Variants in KRI1 observed in about 807,000 individuals in gnomAD.
The protein encoded by KRI1 is protein KRI1 homolog.
KRI1 carries 83 observed loss-of-function variants against 97.0 expected under a neutral mutation model. The observed-to-expected ratio is 0.86, with a 90% confidence interval of 0.72 to 1.03. The LOEUF is 1.03. Among genes scored for constraint, KRI1 ranks in the 50% least tolerant of loss-of-function variants. The pLI is 0.00. For synonymous variants in KRI1, 371 were observed against 363.5 expected, an observed-to-expected ratio of 1.02 and a Z score of -0.23; for missense variants, 916 against 928.4, an observed-to-expected ratio of 0.99 and a Z score of 0.17.
At chr19:10,554,958 T>G (rs1916450753) in intron 18 of KRI1, 129 bp downstream of exon 18, 2 of 695,048 alleles carry the variant, frequency 2.9e-6, no homozygotes, top group Admixed American at 2.7e-5. Flanking sequence ...CATATAGGAT[T>G]CGAACCCAGG....
chr19:10,561,784 C>A lies in KRI1; in HGVS notation c.438+7G>T. ...CAGCCCCCCGACCCAGCCTTCACCC[C>A]ACCCACCTGGAGTCTGTGATTGGAA... On this transcript the variant is annotated splice_region_variant and intron_variant, in intron 5 of 18. Transcript: ENST00000312962. 2.5e-6 allele frequency: 4 copies of A among 1,614,062 alleles called. No individual in the cohort carries two copies. The highest frequency in any genetic ancestry group is 3.4e-6 in the Non-Finnish European group (4 of 1,179,948).
At chr19:10,561,587 G>T in intron 6 of KRI1, 80 bp downstream of exon 6, 1 of 1,331,042 alleles carries the variant, frequency 7.5e-7, no homozygotes. Flanking sequence ...AAGTGACAGA[G>T]CTCAATTTGA....
intron 18 of KRI1, 148 bp from the exon 19 acceptor site, chr19:10,554,429 G>C (rs187892549): frequency 2.9e-6 from 2 of 679,548 alleles, no homozygotes; most frequent in Admixed American, 5.8e-5. Flanking sequence ...TTCAGACCTG[G>C]GTTTCAGGCC....
intron 16 of KRI1, 50 bp from the exon 17 acceptor site, chr19:10,555,399 G>T (rs753511855): frequency 6.3e-7 from 1 of 1,597,738 alleles, no homozygotes; most frequent in East Asian, 2.2e-5. Flanking sequence ...CCCAGGCGGG[G>T]CCTTCCCTGA....
At chr19:10,559,575 G>A in intron 11 of KRI1, 38 bp downstream of exon 11, 1 of 1,613,464 alleles carries the variant, frequency 6.2e-7, no homozygotes, top group Non-Finnish European at 8.5e-7. Flanking sequence ...TTTCCTCCAG[G>A]GCTGGGGGGT....
chr19:10,553,900 A>G lies in KRI1; in HGVS notation c.*51T>C, dbSNP rs1211762527. ...GTACTTGTGGGTGCGAGACCTGTCC[A>G]GGGCTTGATTTGAGGAGAGGAGCCT... On this transcript the variant is annotated 3_prime_UTR_variant, in exon 19 of 19. Coordinates refer to ENST00000312962, the MANE Select transcript of KRI1 (RefSeq NM_023008.5). The G allele has an allele frequency of 2.8e-6, 4 of 1,433,572 alleles. No homozygotes were observed. The highest frequency in any genetic ancestry group is 1.4e-5 in the South Asian group (1 of 73,310). The allele number at this position is 1,433,572 out of a possible 1,614,324, so 88.8% of individuals were successfully genotyped here.
At position 10,554,415 on chromosome 19, in the gene KRI1, G is replaced by A; in HGVS notation, c.1782-134C>T. 2 of 741,466 alleles carry A rather than the reference G, an allele frequency of 2.7e-6. 1 individual carries two copies. Among genetic ancestry groups the A allele is most frequent in the South Asian group, 3.6e-5 (2 of 55,932 alleles). 45.9% of individuals were successfully genotyped at this position (741,466 alleles called of 1,614,324 possible). A position where few individuals can be genotyped will look rare whatever the true frequency, so the allele number is the denominator to read the frequency against. On this transcript the variant is annotated intron_variant, in intron 18 of 18. Coordinates refer to ENST00000312962, the MANE Select transcript of KRI1 (RefSeq NM_023008.5). ...CCGCACAGCGACCGAGGGCCTGCCT[G>A]GGATTCAGACCTGGGTTTCAGGCCA...
chr19:10,560,212 AAT>A, intron 9 of KRI1, 98 bp downstream of exon 9: 1 of 1,454,076 alleles, frequency 6.9e-7, no homozygotes, highest in African/African-American at 1.4e-5. Flanking sequence ...CTGTGAAAAA[AAT>A]ACACACATGG....
intron 13 of KRI1, 22 bp downstream of exon 13, chr19:10,558,142 C>A: frequency 6.2e-7 from 1 of 1,613,948 alleles, no homozygotes; most frequent in Non-Finnish European, 8.5e-7. Context: ...AATCCCCAGC[C>A]CAGTGCCCCA....
rs767542716 is a variant in KRI1, at chr19:10,565,707, G to A, written c.168+10C>T. On this transcript the variant is annotated intron_variant, in intron 2 of 18. Coordinates refer to ENST00000312962, the MANE Select transcript of KRI1 (RefSeq NM_023008.5). Reference sequence around the variant, plus strand: ...CCTCCGCACGTCCAGGACGGGGCGGGGACGCGCACCACGCGCTCGTCGCTT... The same window carrying A: ...CCTCCGCACGTCCAGGACGGGGCGGAGACGCGCACCACGCGCTCGTCGCTT... 7.0e-6 allele frequency: 11 copies of A among 1,563,588 alleles called. No homozygotes were observed. The highest frequency in any genetic ancestry group is 7.0e-5 in the South Asian group (6 of 85,780).
chr19:10,553,092 C>A lies in KRI1; in HGVS notation c.*859G>T. The A allele has an allele frequency of 6.4e-7, 1 of 1,569,082 alleles. No individual in the cohort carries two copies. The highest frequency in any genetic ancestry group is 8.6e-7 in the Non-Finnish European group (1 of 1,158,724). ...AAGGGAGGGGATGAGGGGAAAGATACAACACTATTTATTTTTTTATTTATG... is the reference window on the plus strand; with the variant it reads ...AAGGGAGGGGATGAGGGGAAAGATAAAACACTATTTATTTTTTTATTTATG... On this transcript the variant is annotated 3_prime_UTR_variant, in exon 19 of 19. Transcript: ENST00000312962.
rs372896560 is a variant in KRI1, at chr19:10,557,887, G to C, written c.1368C>G (p.Ala456=). 1 of 1,613,384 alleles carries C rather than the reference G, an allele frequency of 6.2e-7. No individual in the cohort carries two copies. The highest frequency in any genetic ancestry group is 1.7e-5 in the Admixed American group (1 of 59,988). The part of the protein sequence containing the change: ...HCEDPNFNMD[A]DYDPSQPRKK... ...TCCTCGGCTGGCTGGGGTCGTAGTC[G>C]GCGTCCATCTGCCAGGACGCACAGG... The change falls in exon 15 of 19, where the codon GCC becomes GCG. Residue 456 remains alanine (A), a synonymous_variant. Coordinates refer to ENST00000312962, the MANE Select transcript of KRI1 (RefSeq NM_023008.5).
At chr19:10,560,671 TC>T (rs1252567697) in intron 8 of KRI1, among the ~76,000 whole-genome samples, 3 of 152,148 alleles carry the variant, frequency 2.0e-5, no homozygotes, top group Non-Finnish European at 4.4e-5. Flanking sequence ...GCTCACAAGA[TC>T]CTCCCACCTT....
intron 16 of KRI1, 112 bp from the exon 17 acceptor site, chr19:10,555,461 G>T (rs1270324869): frequency 1.7e-6 from 2 of 1,186,162 alleles, no homozygotes. Context: ...ACCCAGCAGG[G>T]TTGCCATGAT....
chr19:10,559,987 C>T (rs1361016887), intron 9 of KRI1, 51 bp from the exon 10 acceptor site: 2 of 1,592,610 alleles, frequency 1.3e-6, no homozygotes, highest in Non-Finnish European at 1.7e-6. Context: ...TGAGGTCGAG[C>T]CCCCCTTTCC....
In KRI1 at chr19:10,557,619, T is replaced by C; in HGVS notation, c.1550A>G (p.Asp517Gly). Reference protein sequence around the residue: ...YYRLDYEDIIDDLPCRFKYRT... With the variant: ...YYRLDYEDIIGDLPCRFKYRT... ...GTACTTGAAGCGACAGGGCAGGTCGTCGATGATGTCCTCGTAGTCCAGCCG... is the reference window on the plus strand; with the variant it reads ...GTACTTGAAGCGACAGGGCAGGTCGCCGATGATGTCCTCGTAGTCCAGCCG... The change falls in exon 16 of 19, where the codon GAC (aspartate) becomes GGC (glycine). Residue 517 changes from aspartate to glycine, a missense_variant. Asp to Gly is a moderately conservative substitution (Grantham distance 94, BLOSUM62 -1). Transcript: ENST00000312962. 1 of 1,614,158 alleles carries C rather than the reference T, an allele frequency of 6.2e-7. No homozygotes were observed. Among genetic ancestry groups the C allele is most frequent in the Non-Finnish European group, 8.5e-7 (1 of 1,180,014 alleles).
At chr19:10,559,958 T>A in intron 9 of KRI1, 22 bp from the exon 10 acceptor site, 1 of 1,606,310 alleles carries the variant, frequency 6.2e-7, no homozygotes. Context: ...GATGTGGTGA[T>A]GCCAGGGGGC....
chr19:10,554,908 A>G (rs1916449288), intron 18 of KRI1, among the ~76,000 whole-genome samples, 179 bp downstream of exon 18: 1 of 152,140 alleles, frequency 6.6e-6, no homozygotes, highest in African/African-American at 2.4e-5. Context: ...AGGCCCAGAG[A>G]GGGGTAGCGA....
chr19:10,559,693 G>C lies in KRI1; in HGVS notation c.943C>G (p.Arg315Gly). 6.2e-7 allele frequency: 1 copy of C among 1,614,034 alleles called. No homozygotes were observed. Among genetic ancestry groups the C allele is most frequent in the Non-Finnish European group, 8.5e-7 (1 of 1,180,024 alleles). Residue 315 changes from arginine (R) to glycine (G), a missense_variant, in exon 11 of 19, where the codon CGC (arginine) becomes GGC (glycine). By Grantham distance (125) the Arg-to-Gly change is moderately radical. This residue lies in a region of KRI1 where 672 missense variants were observed against 667.2 expected (regional missense o/e 1.01). Transcript: ENST00000312962. ...PDSASVKTYP[R>G]SIASSVRRKD... ...CGGCGCACGGAGGACGCGATGCTGC[G>C]TGGGTAGGTCTTGACCTAGGCGCAA...
Sources: allele counts gnomAD v4.1 joint callset (sites outside exome capture counted in the v4.1 genomes callset), GRCh38; gene constraint gnomAD v4.1.1; regional missense constraint gnomAD v4.1.1; transcripts MANE v1.5; gene names NCBI Gene and HGNC (gene_info 2026-07-23, HGNC 2026-07-21).